Variants in NOX5 observed in about 807,000 individuals in gnomAD.
NOX5 encodes NADPH oxidase 5.
NOX5 carries 76 observed loss-of-function variants against 85.7 expected under a neutral mutation model. The ratio of observed to expected loss-of-function variants is 0.89; its 90% CI spans 0.74 to 1.07. The LOEUF is 1.07. Ranked by LOEUF, NOX5 falls within the 50% of genes least tolerant of loss-of-function variation. NOX5 has a pLI of 0.00. For missense variants in NOX5, 973 were observed against 999.5 expected, an observed-to-expected ratio of 0.97 and a Z score of 0.36; for synonymous variants, 405 against 401.4, an observed-to-expected ratio of 1.01 and a Z score of -0.11.
intron 14 of NOX5, among the ~76,000 whole-genome samples, chr15:69,051,776 A>G (rs577697862): frequency 3.3e-5 from 5 of 152,312 alleles, no homozygotes; most frequent in Admixed American, 2.6e-4. Context: ...TTCTGATGAA[A>G]TGAGAATAAA....
At chr15:69,040,406 T>C (rs997078614) in intron 9 of NOX5, among the ~76,000 whole-genome samples, 1 of 152,122 alleles carries the variant, frequency 6.6e-6, no homozygotes. Flanking sequence ...CTTCCAGCTC[T>C]CTCTCTCTAT....
chr15:69,058,181 AC>A lies in NOX5; in HGVS notation c.*1487del, dbSNP rs1291585767. The A allele has an allele frequency of 5.9e-5, 9 of 152,242 alleles. No homozygotes were observed. The highest frequency in any genetic ancestry group is 2.2e-4 in the African/African-American group (9 of 41,408). The allele number at this position is 152,242 out of a possible 1,614,324, so 9.4% of individuals were successfully genotyped here. ...ACTTTCCAATGGGATTGTAGCTGGC[AC>A]CTTTCTTTTCCATGGGTTGGAAGTC... On this transcript the variant is annotated 3_prime_UTR_variant, in exon 16 of 16. Transcript: ENST00000388866.
At position 69,045,553 on chromosome 15, in the gene NOX5, T is replaced by TTTCTTTCTTTCTTTCTTTCG. The variant is rs1379171526; in HGVS notation, c.1648-1252_1648-1251insTCGTTCTTTCTTTCTTTCTT. ...CCTTTCTTTTTTCTTTCTTTCTTTC[T>TTTCTTTCTTTCTTTCTTTCG]TTCTTTCTTTCTTTCTTCCCTTTCT... On this transcript the variant is annotated intron_variant, in intron 10 of 15. Transcript: ENST00000388866. Among the ~76,000 whole-genome samples the TTTCTTTCTTTCTTTCTTTCG allele has an allele frequency of 1.5e-5, 2 of 131,102 alleles. 1 individual carries two copies. Among genetic ancestry groups the TTTCTTTCTTTCTTTCTTTCG allele is most frequent in the African/African-American group, 6.1e-5 (2 of 33,002 alleles). 86.0% of individuals were successfully genotyped at this position (131,102 alleles called of 152,430 possible).
intron 9 of NOX5, among the ~76,000 whole-genome samples, chr15:69,040,976 G>A (rs2050587833): frequency 6.6e-6 from 1 of 152,168 alleles, no homozygotes; most frequent in Admixed American, 6.5e-5. Context: ...AAGCCACTGT[G>A]CCCCACCTTC....
rs35677555 is a variant in NOX5 at position 69,017,775 on chromosome 15, TACACAC to T, written c.50+3013_50+3018del. Among the ~76,000 whole-genome samples, 470 of 146,832 alleles carry T rather than the reference TACACAC, an allele frequency of 3.2e-3. 2 individuals are homozygous for T. The highest frequency in any genetic ancestry group is 0.011 in the African/African-American group (438 of 40,168). On this transcript the variant is annotated intron_variant, in intron 1 of 15. Transcript: ENST00000388866. ...TTTGACTCTTTGTTGATATATTTTA[TACACAC>T]ACACACACACACACACACACACTCA... is the stretch of plus-strand genomic sequence containing the variant.
In NOX5 at chr15:69,045,499, T is replaced by G. The variant is rs1274748931; in HGVS notation, c.1648-1323T>G. Among the ~76,000 whole-genome samples, 7 of 130,048 alleles carry G rather than the reference T, an allele frequency of 5.4e-5. 1 individual carries two copies. The highest frequency in any genetic ancestry group is 2.1e-4 in the African/African-American group (7 of 33,496). 85.3% of individuals were successfully genotyped at this position (130,048 alleles called of 152,430 possible). ...CTCCCTTCCTCCCTTCCTCCCTCCCTCCCTCTCCCTTCTTTCTTTCTTTCT... is the reference window on the plus strand; with the variant it reads ...CTCCCTTCCTCCCTTCCTCCCTCCCGCCCTCTCCCTTCTTTCTTTCTTTCT... On this transcript the variant is annotated intron_variant, in intron 10 of 15. Coordinates refer to ENST00000388866, the MANE Select transcript of NOX5 (RefSeq NM_024505.4).
intron 7 of NOX5, 79 bp downstream of exon 7, chr15:69,036,015 C>T: frequency 1.3e-6 from 2 of 1,573,832 alleles, no homozygotes; most frequent in Non-Finnish European, 8.6e-7. Flanking sequence ...CTCTGATTTA[C>T]TCCAGAGCCC....
chr15:69,026,397 T>A (rs1242787014), intron 1 of NOX5, 131 bp from the exon 2 acceptor site: 4 of 1,093,622 alleles, frequency 3.7e-6, no homozygotes, highest in Non-Finnish European at 5.3e-6. Context: ...CAGCCAGAAC[T>A]GATTGACCCG....
chr15:69,026,778 T>A, intron 2 of NOX5, 127 bp downstream of exon 2: 1 of 1,301,908 alleles, frequency 7.7e-7, no homozygotes, highest in Non-Finnish European at 1.1e-6. Context: ...TGTAGCGGGC[T>A]GGCGGGATGT....
intron 14 of NOX5, among the ~76,000 whole-genome samples, chr15:69,052,010 G>A (rs2050755572): frequency 6.6e-6 from 1 of 152,078 alleles, no homozygotes; most frequent in Non-Finnish European, 1.5e-5. Flanking sequence ...GGTCAAGTTT[G>A]AGACCAGCCT....
chr15:69,031,414 G>C (rs993023454), intron 3 of NOX5, 104 bp from the exon 4 acceptor site: 7 of 1,295,528 alleles, frequency 5.4e-6, no homozygotes, highest in Non-Finnish European at 7.4e-6. Context: ...TCTGAGCTGA[G>C]GGTGACATTT....
rs2050429004 is a variant in NOX5 at position 69,031,500 on chromosome 15, GCCCAC to G, written c.326-16_326-12del. On this transcript the variant is annotated splice_polypyrimidine_tract_variant and intron_variant, in intron 3 of 15. Transcript: ENST00000388866. ...AGCTGGAGGTGGGTAAACAGAAGAG[GCCCAC>G]CACTTCTTGCAGTGTGTGCACGGCA... is the stretch of plus-strand genomic sequence containing the variant. 1.3e-6 allele frequency: 2 copies of G among 1,591,272 alleles called. No individual in the cohort carries two copies. Among genetic ancestry groups the G allele is most frequent in the Non-Finnish European group, 1.7e-6 (2 of 1,167,456 alleles).
chr15:69,015,824 C>T (rs1368273657), intron 1 of NOX5, among the ~76,000 whole-genome samples: 1 of 150,310 alleles, frequency 6.7e-6, no homozygotes, highest in Non-Finnish European at 1.5e-5. Flanking sequence ...AAGGCGGCTT[C>T]AGCTCAGGGA....
chr15:69,045,607 T>TTC (rs1375277915), intron 10 of NOX5, among the ~76,000 whole-genome samples: 3 of 78,424 alleles, frequency 3.8e-5, no homozygotes, highest in East Asian at 9.5e-4. Flanking sequence ...TCTTTTTTTT[T>TTC]TCTCTCTCTC....
At position 69,060,745 on chromosome 15, in the gene NOX5, T is replaced by C. The variant is rs1385385390; in HGVS notation, c.*4049T>C. ...CAAGTGTTTGATATAATCCTATTTATAACACAGAAAATAAATGACATATGT... is the reference window on the plus strand; with the variant it reads ...CAAGTGTTTGATATAATCCTATTTACAACACAGAAAATAAATGACATATGT... On this transcript the variant is annotated 3_prime_UTR_variant, in exon 16 of 16. Coordinates refer to ENST00000388866, the MANE Select transcript of NOX5 (RefSeq NM_024505.4). The C allele has an allele frequency of 1.3e-5, 2 of 152,206 alleles. No individual in the cohort carries two copies. Among genetic ancestry groups the C allele is most frequent in the African/African-American group, 2.4e-5 (1 of 41,450 alleles). 9.4% of individuals were successfully genotyped at this position (152,206 alleles called of 1,614,324 possible).
chr15:69,037,976 T>G (rs2050543645), intron 8 of NOX5: 1 of 152,358 alleles, frequency 6.6e-6, no homozygotes. Context: ...TTTCTTTAGT[T>G]GCTCTGTGGA....
chr15:69,024,078 T>A (rs1224995002), intron 1 of NOX5: 1 of 153,800 alleles, frequency 6.5e-6, no homozygotes, highest in East Asian at 1.9e-4. Context: ...GCCATCAATG[T>A]CTTACCCTGG....
chr15:69,032,817 T>A (rs2050455681), intron 4 of NOX5, among the ~76,000 whole-genome samples: 1 of 152,268 alleles, frequency 6.6e-6, no homozygotes, highest in South Asian at 2.1e-4. Flanking sequence ...AGAGAAGTAA[T>A]AAAAATAGCG....
intron 3 of NOX5, chr15:69,030,862 TC>T (rs1567096570): frequency 6.6e-6 from 1 of 152,124 alleles, no homozygotes; most frequent in South Asian, 2.1e-4. Context: ...CAAAGTGAGG[TC>T]CACTACCCCA....
Sources: allele counts gnomAD v4.1 joint callset (sites outside exome capture counted in the v4.1 genomes callset), GRCh38; gene constraint gnomAD v4.1.1; transcripts MANE v1.5; gene names NCBI Gene and HGNC (gene_info 2026-07-23, HGNC 2026-07-21).